The following MTERF4 variants were observed in gnomAD, a reference collection of about 807,000 sequenced individuals.
MTERF4 encodes transcription termination factor 4, mitochondrial.
A neutral mutation model predicts 22.5 loss-of-function variants in MTERF4; 17 were observed. That is an observed-to-expected ratio of 0.75 (90% CI 0.52 to 1.13). The LOEUF is 1.13. Among genes scored for constraint, MTERF4 ranks in the 50% most tolerant of loss-of-function variants. The pLI, the probability that MTERF4 is intolerant of heterozygous loss-of-function variation, is 0.00. For synonymous variants in MTERF4, 165 were observed against 175.3 expected (o/e 0.94, Z 0.47); for missense variants, 420 against 466.8 (o/e 0.90, Z 0.92).
the MTERF4 span, chr2:241,062,889 G>T: frequency 1.2e-6 from 2 of 1,601,944 alleles, no homozygotes. Context: ...CTATGAGGGC[G>T]CCCACTGTGA....
chr2:241,098,720 A>C (rs2064565234), intron 2 of MTERF4, among the ~76,000 whole-genome samples: 1 of 152,234 alleles, frequency 6.6e-6, no homozygotes, highest in South Asian at 2.1e-4. Context: ...CACTAAGACC[A>C]TTTCATGTTG....
At chr2:241,067,088 C>CCT in the MTERF4 span, among the ~76,000 whole-genome samples, 2 of 152,314 alleles carry the variant, frequency 1.3e-5, 1 homozygote, top group African/African-American at 4.8e-5. Context: ...TGAGATCTGC[C>CCT]CTCGGAAGGT....
intron 2 of MTERF4, among the ~76,000 whole-genome samples, chr2:241,098,811 G>T (rs1013273694): frequency 8.5e-5 from 13 of 152,106 alleles, no homozygotes; most frequent in African/African-American, 3.1e-4. Flanking sequence ...CATACCATAT[G>T]CCCACCACTG....
the MTERF4 span, among the ~76,000 whole-genome samples, chr2:241,045,963 AAAAC>A: frequency 3.6e-4 from 55 of 152,360 alleles, no homozygotes; most frequent in African/African-American, 1.1e-3. Flanking sequence ...CAACTGTGAG[AAAAC>A]AAACAACCCA....
At chr2:241,085,860 C>CTTTT (rs772995766), downstream of MTERF4, among the ~76,000 whole-genome samples, 122 of 79,150 alleles carry the variant, frequency 1.5e-3, 3 homozygotes, top group African/African-American at 3.4e-3. Context: ...TCTGCGGTTT[C>CTTTT]TTTTTTTTTT....
chr2:241,072,572 C>T (rs2062785328), exon 5 of MTERF4: 1 of 273,058 alleles, frequency 3.7e-6, no homozygotes, highest in Non-Finnish European at 7.1e-6. Context: ...TGAGCAAAAA[C>T]TCCTCAGGCA....
downstream of MTERF4, among the ~76,000 whole-genome samples, chr2:241,067,562 C>T (rs956907440): frequency 3.3e-5 from 5 of 152,294 alleles, no homozygotes; most frequent in East Asian, 3.9e-4. Flanking sequence ...ATGCTCACAG[C>T]GGGTTCTGCA....
At chr2:241,047,865 C>A in the MTERF4 span, among the ~76,000 whole-genome samples, 1 of 152,006 alleles carries the variant, frequency 6.6e-6, no homozygotes, top group Non-Finnish European at 1.5e-5. Context: ...CGGGTGGCTT[C>A]TCTGGTGCTT....
At chr2:241,098,905 C>A (rs779157614) in intron 2 of MTERF4, among the ~76,000 whole-genome samples, 19 of 152,014 alleles carry the variant, frequency 1.2e-4, no homozygotes, top group African/African-American at 1.7e-4. Context: ...AGTCTTAACT[C>A]CTCCTCCTTC....
At chr2:241,098,716 G>T (rs942273304) in intron 2 of MTERF4, among the ~76,000 whole-genome samples, 6 of 152,184 alleles carry the variant, frequency 3.9e-5, no homozygotes, top group Non-Finnish European at 5.9e-5. Context: ...AGAGCACTAA[G>T]ACCATTTCAT....
the MTERF4 span, among the ~76,000 whole-genome samples, chr2:241,045,338 A>G: frequency 4.3e-4 from 66 of 152,358 alleles, no homozygotes; most frequent in South Asian, 8.3e-4. Context: ...AAGAATTTAG[A>G]AAACCAAAAC....
Position 241,073,461 on chromosome 2 carries a change from C to A in MTERF4, n.2701G>T, listed in dbSNP as rs2062846191. ...GGAGGGACCACCCACGGTGAGGAAT[C>A]AGGAGGCACAGAGCCTACCTGAGGG... On this transcript the variant is annotated non_coding_transcript_exon_variant, in exon 5 of 5. Coordinates refer to the MTERF4 transcript ENST00000464344. The surrounding 1 kb of genome is among the most constrained non-coding windows in gnomAD (Gnocchi z 6.6). The A allele has an allele frequency of 1.0e-6, 1 of 995,866 alleles. No individual in the cohort carries two copies. Among genetic ancestry groups the A allele is most frequent in the Non-Finnish European group, 1.6e-6 (1 of 641,586 alleles). 61.7% of individuals were successfully genotyped at this position (995,866 alleles called of 1,614,324 possible).
the MTERF4 span, chr2:241,052,359 CT>C: frequency 6.4e-7 from 1 of 1,573,462 alleles, no homozygotes; most frequent in South Asian, 1.2e-5. Flanking sequence ...TGGCAGCCCC[CT>C]CCCCCTGCTT....
rs1281463956 is a variant in MTERF4 at position 241,096,775 on chromosome 2, C to G, written c.706-337G>C. 2.1e-5 allele frequency: 11 copies of G among 526,788 alleles called. No individual in the cohort carries two copies. Among genetic ancestry groups the G allele is most frequent in the Non-Finnish European group, 3.9e-5 (11 of 283,512 alleles). The allele number at this position is 526,788 out of a possible 1,614,324, so 32.6% of individuals were successfully genotyped here. ...AATAGGCAAAACATTCAGAAAACAT[C>G]TAGAAATTCGACCTAAGTTGTCATA... On this transcript the variant is annotated intron_variant, in intron 3 of 3. Transcript: ENST00000391980. The surrounding 1 kb of genome is among the most constrained non-coding windows in gnomAD (Gnocchi z 5.1).
chr2:241,046,264 A>T, the MTERF4 span, among the ~76,000 whole-genome samples: 1 of 152,252 alleles, frequency 6.6e-6, no homozygotes, highest in Non-Finnish European at 1.5e-5. Context: ...TATAAGGTTA[A>T]GTATATGCTT....
the MTERF4 span, among the ~76,000 whole-genome samples, chr2:241,043,894 G>A: frequency 6.6e-6 from 1 of 152,172 alleles, no homozygotes; most frequent in Non-Finnish European, 1.5e-5. Flanking sequence ...GCAAGATTTG[G>A]TCTGTGGGTT....
chr2:241,087,519 C>A, downstream of MTERF4: 1 of 1,566,076 alleles, frequency 6.4e-7, no homozygotes, highest in East Asian at 2.4e-5. Context: ...GCATGTAGCC[C>A]ACAGGGTGAT....
At chr2:241,061,660 G>A in the MTERF4 span, among the ~76,000 whole-genome samples, 3 of 152,110 alleles carry the variant, frequency 2.0e-5, no homozygotes, top group African/African-American at 7.2e-5. Context: ...GCTGAGGCAG[G>A]CGGATCACGA....
chr2:241,048,453 T>C, the MTERF4 span: 1 of 1,584,646 alleles, frequency 6.3e-7, no homozygotes. Context: ...GCGTCTGGGC[T>C]GCAAGGGCTG....
Sources: allele counts gnomAD v4.1 joint callset (sites outside exome capture counted in the v4.1 genomes callset), GRCh38; gene constraint gnomAD v4.1.1; non-coding constraint Gnocchi (gnomAD v3.1); transcripts MANE v1.5; gene names NCBI Gene and HGNC (gene_info 2026-07-23, HGNC 2026-07-21).